VWA8: variants seen among roughly 807,000 people sequenced by gnomAD.
VWA8 encodes the protein von Willebrand factor A domain-containing protein 8.
In VWA8, 221 loss-of-function variants were observed where a neutral mutation model predicts 241.5. That is an observed-to-expected ratio of 0.91 (90% CI 0.82 to 1.02). VWA8 has a LOEUF of 1.02. Ranked by LOEUF, VWA8 falls within the 50% of genes least tolerant of loss-of-function variation. The pLI, the probability that VWA8 is intolerant of heterozygous loss-of-function variation, is 0.00. For missense variants in VWA8, 2,322 were observed against 2,328.7 expected, an observed-to-expected ratio of 1.00 and a Z score of 0.06; for synonymous variants, 852 against 827.1, an observed-to-expected ratio of 1.03 and a Z score of -0.52.
chr13:41,849,049 GC>G (rs1566480565), intron 12 of VWA8, among the ~76,000 whole-genome samples: 23 of 152,202 alleles, frequency 1.5e-4, no homozygotes. Context: ...GTAAAAGATT[GC>G]CTTTTCCTTC....
intron 37 of VWA8, among the ~76,000 whole-genome samples, chr13:41,624,636 A>G (rs1036267385): frequency 9.9e-5 from 15 of 152,254 alleles, no homozygotes; most frequent in Admixed American, 2.6e-4. Flanking sequence ...CCTTTATGTT[A>G]AAACCCTTAA....
At chr13:41,655,901 T>C (rs1353642062) in intron 37 of VWA8, among the ~76,000 whole-genome samples, 5 of 152,254 alleles carry the variant, frequency 3.3e-5, no homozygotes, top group African/African-American at 1.2e-4. Context: ...AGTATGTTCC[T>C]GTTTTATCTT....
rs2045262749 is a variant in VWA8, at chr13:41,703,399, T to C, written c.3129A>G (p.Pro1043=). Residue 1043 remains proline (P), a synonymous_variant, in exon 27 of 45, where the codon CCA becomes CCG. Coordinates refer to ENST00000379310, the MANE Select transcript of VWA8 (RefSeq NM_015058.2). ...TCCAGTAGCCCATGAACGTTTGTTC[T>C]GGCAGAGTCAACCTGTTAAGGATGA... ...SVQLAKELTL[P]EQTFMGYWTI... 1.2e-6 allele frequency: 2 copies of C among 1,614,096 alleles called. No individual in the cohort carries two copies. The highest frequency in any genetic ancestry group is 2.7e-5 in the African/African-American group (2 of 75,058).
rs1465915288 is a variant in VWA8 at position 41,926,403 on chromosome 13, G to GTT, written c.242-14236_242-14235insAA. ...ATTCCTAAAGATTGAAACTCCCATG[G>GTT]TGAACATCATCCCGGGGGAGCTGTG... On this transcript the variant is annotated intron_variant, in intron 2 of 44. Coordinates refer to ENST00000379310, the MANE Select transcript of VWA8 (RefSeq NM_015058.2). 4.2e-5 allele frequency: 23 copies of GTT among 544,462 alleles called. No individual in the cohort carries two copies. In the Admixed American group the frequency reaches 4.9e-4, roughly 12 times the overall value. The allele number at this position is 544,462 out of a possible 1,614,324, so 33.7% of individuals were successfully genotyped here.
At chr13:41,793,447 G>A (rs1322992278) in intron 17 of VWA8, among the ~76,000 whole-genome samples, 1 of 152,108 alleles carries the variant, frequency 6.6e-6, no homozygotes, top group Non-Finnish European at 1.5e-5. Context: ...ACCTTTTTCT[G>A]ACTGATTGAA....
At chr13:41,719,551 T>C in intron 26 of VWA8, 40 bp downstream of exon 26, 2 of 1,608,248 alleles carry the variant, frequency 1.2e-6, no homozygotes, top group Admixed American at 3.4e-5. Flanking sequence ...TCAAGAACTA[T>C]CAGCATTTAA....
intron 41 of VWA8, among the ~76,000 whole-genome samples, chr13:41,588,722 G>GA (rs35503733): frequency 0.036 from 3,447 of 96,586 alleles, 59 homozygotes; most frequent in African/African-American, 0.077. Flanking sequence ...CCTGTCTCTA[G>GA]AAAAAAAAAA....
chr13:41,947,992 CAT>C (rs957012211), intron 2 of VWA8, among the ~76,000 whole-genome samples: 1 of 85,252 alleles, frequency 1.2e-5, no homozygotes, highest in Non-Finnish European at 2.5e-5. Flanking sequence ...AAATGTTAAA[CAT>C]AGAGTTACCA....
intron 2 of VWA8, among the ~76,000 whole-genome samples, chr13:41,941,480 C>T (rs1381854260): frequency 2.0e-5 from 3 of 152,206 alleles, no homozygotes; most frequent in African/African-American, 7.2e-5. Context: ...CTGAAGGAAA[C>T]TGAAGCTTAT....
chr13:41,621,427 C>CAT (rs2044656599), intron 37 of VWA8, among the ~76,000 whole-genome samples: 1 of 152,116 alleles, frequency 6.6e-6, no homozygotes. Context: ...TGCTTATATG[C>CAT]GTTAAGACTC....
chr13:41,669,919 T>G (rs1288143463), intron 37 of VWA8, among the ~76,000 whole-genome samples: 5 of 152,148 alleles, frequency 3.3e-5, no homozygotes, highest in African/African-American at 9.7e-5. Context: ...TTGTTTTAGC[T>G]TAATTAAATT....
At position 41,926,593 on chromosome 13, in the gene VWA8, C is replaced by T. The variant is rs7335467; in HGVS notation, c.242-14425G>A. On this transcript the variant is annotated intron_variant, in intron 2 of 44. Transcript: ENST00000379310. ...GGCACAATCCTGAGTTCACCACCTG[C>T]GAGTTCTATATGGCCTATGCAGACT... 6.8e-4 allele frequency: 373 copies of T among 546,668 alleles called. 3 individuals carry two copies. The highest frequency in any genetic ancestry group is 6.0e-3 in the African/African-American group (315 of 52,310). The allele number at this position is 546,668 out of a possible 1,614,324, so 33.9% of individuals were successfully genotyped here. A position where few individuals can be genotyped will look rare whatever the true frequency, so the allele number is the denominator to read the frequency against.
At chr13:41,890,838 C>T (rs1441225747) in intron 5 of VWA8, among the ~76,000 whole-genome samples, 2 of 152,210 alleles carry the variant, frequency 1.3e-5, no homozygotes, top group African/African-American at 4.8e-5. Context: ...AAGGCGATCA[C>T]TGACTGCTGT....
In VWA8 at chr13:41,701,389, T is replaced by C. The variant is rs2045248464; in HGVS notation, c.3364+3A>G. 1.3e-6 allele frequency: 2 copies of C among 1,595,710 alleles called. No homozygotes were observed. Among genetic ancestry groups the C allele is most frequent in the South Asian group, 1.2e-5 (1 of 86,790 alleles). ...GAAAGATCAAAAGAATAAGCAGACA[T>C]ACCATGTGATGTAGCAATGTCACAG... is the stretch of plus-strand genomic sequence containing the variant. On this transcript the variant is annotated splice_donor_region_variant and intron_variant, in intron 28 of 44. Coordinates refer to ENST00000379310, the MANE Select transcript of VWA8 (RefSeq NM_015058.2).
intron 9 of VWA8, among the ~76,000 whole-genome samples, chr13:41,882,237 A>G (rs1874263218): frequency 6.7e-6 from 1 of 149,954 alleles, no homozygotes; most frequent in Non-Finnish European, 1.5e-5. Flanking sequence ...CTCACTTCCT[A>G]GATGGGATGG....
At chr13:41,787,245 A>G (rs1456429070) in intron 18 of VWA8, among the ~76,000 whole-genome samples, 192 bp downstream of exon 18, 1 of 146,854 alleles carries the variant, frequency 6.8e-6, no homozygotes, top group Non-Finnish European at 1.5e-5. Flanking sequence ...TGAAGTAAAT[A>G]TTCTAAGATT....
rs145509317 is a variant in VWA8, at chr13:41,753,983, C to T, written c.2426+7145G>A. Among the ~76,000 whole-genome samples, 628 of 152,132 alleles carry T rather than the reference C, an allele frequency of 4.1e-3. 2 individuals are homozygous for T. Among genetic ancestry groups the T allele is most frequent in the Non-Finnish European group, 7.2e-3 (490 of 68,006 alleles). Reference sequence around the variant, plus strand: ...AGCTAAAATGTTATAGCAAATGTAGCCCTAAAGCTGTATGTAAAATGTTAT... The same window carrying T: ...AGCTAAAATGTTATAGCAAATGTAGTCCTAAAGCTGTATGTAAAATGTTAT... On this transcript the variant is annotated intron_variant, in intron 21 of 44. Transcript: ENST00000379310.
chr13:41,689,297 T>C (rs1454439749), intron 34 of VWA8, 57 bp downstream of exon 34: 26 of 1,544,220 alleles, frequency 1.7e-5, no homozygotes, highest in Non-Finnish European at 2.0e-5. Flanking sequence ...TTACAGATTA[T>C]AGGTCAAACT....
At chr13:41,663,224 T>A (rs1397368472) in intron 37 of VWA8, among the ~76,000 whole-genome samples, 10 of 151,126 alleles carry the variant, frequency 6.6e-5, no homozygotes, top group Non-Finnish European at 1.0e-4. Flanking sequence ...TTCAGTTACA[T>A]AAAAAAAAAG....
Sources: gnomAD v4.1 joint callset for allele counts (sites outside exome capture counted in the v4.1 genomes callset) on GRCh38, gnomAD v4.1.1 for gene constraint, MANE v1.5 for transcripts, NCBI Gene and HGNC (gene_info 2026-07-23, HGNC 2026-07-21) for gene names.